Variants in NTRK3 observed in about 807,000 individuals in gnomAD.
NTRK3 encodes the protein neurotrophic receptor tyrosine kinase 3, also known as NT-3 growth factor receptor.
A neutral mutation model predicts 91.7 loss-of-function variants in NTRK3; 24 were observed. The observed-to-expected ratio is 0.26, with a 90% CI of 0.19 to 0.37. The LOEUF is 0.37. Ranked by LOEUF, NTRK3 falls within the 10% of genes least tolerant of loss-of-function variation. NTRK3 has a pLI of 1.00. For missense variants in NTRK3, 880 were observed against 1,068.9 expected, an observed-to-expected ratio of 0.82 and a Z score of 2.46; for synonymous variants, 483 against 404.0, an observed-to-expected ratio of 1.20 and a Z score of -2.34.
intron 14 of NTRK3, among the ~76,000 whole-genome samples, chr15:87,990,341 T>C (rs1217887957): frequency 2.6e-5 from 4 of 152,206 alleles, no homozygotes; most frequent in African/African-American, 2.4e-5. Context: ...GTGGAGCACA[T>C]ACCGTTCTGC....
chr15:87,874,210 C>A lies in NTRK3; in HGVS notation c.*2725G>T, dbSNP rs1249814242. 4 of 201,626 alleles carry A rather than the reference C, an allele frequency of 2.0e-5. No homozygotes were observed. The South Asian group carries it at 7.8e-4, about 39-fold the overall frequency. The allele number at this position is 201,626 out of a possible 1,614,324, so 12.5% of individuals were successfully genotyped here. ...GCCTCCTTTACTCTCCAAAATAAATCTTTTTTTTTTAATCTGCCAAGGCTA... is the reference window on the plus strand; with the variant it reads ...GCCTCCTTTACTCTCCAAAATAAATATTTTTTTTTTAATCTGCCAAGGCTA... On this transcript the variant is annotated 3_prime_UTR_variant, in exon 19 of 19. Coordinates refer to ENST00000394480, the Ensembl canonical transcript of NTRK3.
intron 17 of NTRK3, among the ~76,000 whole-genome samples, chr15:87,915,895 C>T (rs1218290867): frequency 1.3e-5 from 2 of 152,092 alleles, no homozygotes; most frequent in Non-Finnish European, 1.5e-5. Context: ...TAGCTCTCAG[C>T]AGAAGCTCAG....
At chr15:88,245,007 A>T (rs76065003) in intron 3 of NTRK3, among the ~76,000 whole-genome samples, 2,222 of 152,332 alleles carry the variant, frequency 0.015, 23 homozygotes, top group Non-Finnish European at 0.024. Context: ...TTTGCCTGGG[A>T]CACTCTGACA....
At chr15:88,045,246 A>C (rs1232431749) in intron 13 of NTRK3, among the ~76,000 whole-genome samples, 2 of 152,342 alleles carry the variant, frequency 1.3e-5, no homozygotes, top group South Asian at 2.1e-4. Flanking sequence ...ACCCAGTGTT[A>C]TAATTTTCAT....
At position 88,042,625 on chromosome 15, in the gene NTRK3, A is replaced by G. The variant is rs76860150; in HGVS notation, c.1397-9580T>C. Among the ~76,000 whole-genome samples, 956 of 152,352 alleles carry G rather than the reference A, an allele frequency of 6.3e-3. 17 individuals carry two copies. Among genetic ancestry groups the G allele is most frequent in the South Asian group, 0.018 (86 of 4,830 alleles). On this transcript the variant is annotated intron_variant, in intron 13 of 18. Transcript: ENST00000394480. ...AAAGGCGTTGTTCATGCCTCGCAGC[A>G]TTCATAGCTTGGAGGTATCACTTGG... is the stretch of plus-strand genomic sequence containing the variant.
chr15:87,994,325 G>A (rs970190450), intron 14 of NTRK3, among the ~76,000 whole-genome samples: 1 of 152,194 alleles, frequency 6.6e-6, no homozygotes, highest in African/African-American at 2.4e-5. Flanking sequence ...AGATGTTCAA[G>A]TTAAGATGAA....
intron 13 of NTRK3, among the ~76,000 whole-genome samples, chr15:88,097,780 AG>A (rs994893530): frequency 3.9e-5 from 6 of 152,238 alleles, no homozygotes; most frequent in African/African-American, 1.4e-4. Context: ...GTGAAAGTAA[AG>A]ACACAAAATT....
chr15:88,247,139 C>T (rs542940136), intron 3 of NTRK3, among the ~76,000 whole-genome samples: 89 of 152,348 alleles, frequency 5.8e-4, no homozygotes, highest in African/African-American at 2.1e-3. Context: ...ACGCACGCAG[C>T]CCTGTTTCCC....
At chr15:87,991,056 C>T (rs947741793) in intron 14 of NTRK3, among the ~76,000 whole-genome samples, 5 of 152,186 alleles carry the variant, frequency 3.3e-5, no homozygotes, top group Admixed American at 1.3e-4. Context: ...TTTCTCCACT[C>T]TTTGATCATT....
At chr15:88,246,980 G>A (rs749342843) in intron 3 of NTRK3, among the ~76,000 whole-genome samples, 1 of 152,184 alleles carries the variant, frequency 6.6e-6, no homozygotes, top group Admixed American at 6.5e-5. Context: ...ACCGTCTCGT[G>A]CGCCACACTG....
At chr15:88,102,377 GA>G (rs112053046) in intron 13 of NTRK3, among the ~76,000 whole-genome samples, 18 of 152,248 alleles carry the variant, frequency 1.2e-4, no homozygotes, top group African/African-American at 3.8e-4. Flanking sequence ...AAAAGAAAAA[GA>G]AACTTGCAGG....
At chr15:87,966,398 T>G (rs2072798105) in intron 14 of NTRK3, among the ~76,000 whole-genome samples, 1 of 152,224 alleles carries the variant, frequency 6.6e-6, no homozygotes. Context: ...GTTCCTCAGA[T>G]TTGCGAGTGG....
At chr15:87,921,892 A>G (rs1204462307) in intron 17 of NTRK3, among the ~76,000 whole-genome samples, 3 of 152,116 alleles carry the variant, frequency 2.0e-5, no homozygotes, top group Non-Finnish European at 2.9e-5. Flanking sequence ...AAAAAAAAAA[A>G]AAACTATTGT....
At chr15:88,139,183 T>C (rs2042152969) in intron 6 of NTRK3, among the ~76,000 whole-genome samples, 1 of 152,206 alleles carries the variant, frequency 6.6e-6, no homozygotes, top group African/African-American at 2.4e-5. Flanking sequence ...CTTCCTTCTC[T>C]ACTGATTTTC....
intron 13 of NTRK3, among the ~76,000 whole-genome samples, chr15:88,056,848 A>C (rs1192541290): frequency 2.0e-5 from 3 of 152,208 alleles, no homozygotes; most frequent in East Asian, 3.9e-4. Context: ...CTTAAGCAAT[A>C]ATCTCATTCA....
At chr15:88,079,263 T>C (rs1209591894) in intron 13 of NTRK3, among the ~76,000 whole-genome samples, 1 of 152,162 alleles carries the variant, frequency 6.6e-6, no homozygotes, top group African/African-American at 2.4e-5. Flanking sequence ...TCAAAGACGA[T>C]CAGCGTTTTG....
At chr15:87,886,182 G>T (rs2065527522) in intron 17 of NTRK3, among the ~76,000 whole-genome samples, 1 of 152,002 alleles carries the variant, frequency 6.6e-6, no homozygotes, top group African/African-American at 2.4e-5. Flanking sequence ...GTTTGAGAGG[G>T]GTGAGGAAAG....
In NTRK3 at chr15:87,904,489, T is replaced by C. The variant is rs1374456881; in HGVS notation, c.2134-24061A>G. On this transcript the variant is annotated intron_variant, in intron 17 of 18. Coordinates refer to ENST00000394480, the Ensembl canonical transcript of NTRK3. Reference sequence around the variant, plus strand: ...CCTTTTAATATGGGCCTTTGGGATCTCTCTGAATCTTTTTTCTTAGGTTCA... The same window carrying C: ...CCTTTTAATATGGGCCTTTGGGATCCCTCTGAATCTTTTTTCTTAGGTTCA... Among the ~76,000 whole-genome samples the C allele has an allele frequency of 2.0e-5, 3 of 152,218 alleles. 1 individual carries two copies. The South Asian group carries it at 6.2e-4, about 32-fold the overall frequency.
At chr15:88,133,321 G>T (rs1436438769) in intron 10 of NTRK3, among the ~76,000 whole-genome samples, 1 of 152,114 alleles carries the variant, frequency 6.6e-6, no homozygotes, top group Non-Finnish European at 1.5e-5. Flanking sequence ...TGAGACAAAG[G>T]AGAGAACGGA....
Sources: gnomAD v4.1 joint callset for allele counts (sites outside exome capture counted in the v4.1 genomes callset) on GRCh38, gnomAD v4.1.1 for gene constraint, MANE v1.5 for transcripts, NCBI Gene and HGNC (gene_info 2026-07-23, HGNC 2026-07-21) for gene names.